Variants in EYS observed in about 807,000 individuals in gnomAD.
EYS encodes the protein protein eyes shut homolog.
EYS carries 250 observed loss-of-function variants against 282.1 expected under a neutral mutation model. The ratio of observed to expected loss-of-function variants is 0.89; its 90% CI spans 0.80 to 0.98. The LOEUF (loss-of-function observed/expected upper bound fraction) is 0.98. EYS is among the 50% of genes least tolerant of loss of function. EYS has a pLI of 0.00. For missense variants in EYS, 4,016 were observed against 3,709.0 expected, an observed-to-expected ratio of 1.08 and a Z score of -2.15; for synonymous variants, 1,355 against 1,282.9, an observed-to-expected ratio of 1.06 and a Z score of -1.20.
intron 35 of EYS, among the ~76,000 whole-genome samples, chr6:63,944,387 G>A (rs942126167): frequency 6.6e-6 from 1 of 152,102 alleles, no homozygotes; most frequent in Non-Finnish European, 1.5e-5. Flanking sequence ...GAAAGTGTAC[G>A]ACATGCTTTA....
chr6:65,597,467 G>A (rs1350594551), intron 2 of EYS, among the ~76,000 whole-genome samples: 2 of 152,042 alleles, frequency 1.3e-5, no homozygotes, highest in African/African-American at 4.8e-5. Flanking sequence ...TGACAGTGCA[G>A]GCTTTTACTA....
At chr6:63,729,520 TTC>T (rs1387412113) in intron 41 of EYS, among the ~76,000 whole-genome samples, 1 of 151,836 alleles carries the variant, frequency 6.6e-6, no homozygotes, top group East Asian at 1.9e-4. Flanking sequence ...TGTGTCTAGA[TTC>T]TTTTTTTTTT....
At chr6:65,110,562 C>T (rs762370983) in intron 12 of EYS, among the ~76,000 whole-genome samples, 9 of 151,848 alleles carry the variant, frequency 5.9e-5, no homozygotes, top group Non-Finnish European at 1.2e-4. Context: ...GCTTTCCAGA[C>T]AGAAATAAGA....
At chr6:63,945,157 G>A (rs574287134) in intron 35 of EYS, among the ~76,000 whole-genome samples, 38 of 152,226 alleles carry the variant, frequency 2.5e-4, no homozygotes, top group African/African-American at 9.1e-4. Flanking sequence ...AAGGAAAGAG[G>A]TTTAATTGAC....
chr6:63,751,826 T>C (rs753331595), intron 41 of EYS, among the ~76,000 whole-genome samples: 1 of 152,202 alleles, frequency 6.6e-6, no homozygotes, highest in Non-Finnish European at 1.5e-5. Flanking sequence ...AGGACTCAGA[T>C]GGATAATGCT....
intron 26 of EYS, among the ~76,000 whole-genome samples, chr6:64,535,575 CA>C (rs10554389): frequency 0.38 from 54,569 of 142,190 alleles, 11,679 homozygotes; most frequent in African/African-American, 0.61. Flanking sequence ...TTGTTTCTAC[CA>C]AAAAAAAAAA....
intron 29 of EYS, among the ~76,000 whole-genome samples, chr6:64,318,057 T>C (rs1039117887): frequency 7.2e-5 from 11 of 151,934 alleles, no homozygotes; most frequent in East Asian, 1.9e-4. Flanking sequence ...AGGAATAGCA[T>C]TGGGAGAAAT....
intron 22 of EYS, among the ~76,000 whole-genome samples, chr6:64,627,838 G>A (rs1363607410): frequency 6.6e-6 from 1 of 152,176 alleles, no homozygotes; most frequent in African/African-American, 2.4e-5. Context: ...CCAGCATTTT[G>A]GGAGACCGAG....
At chr6:64,190,952 T>C (rs1240653877) in intron 31 of EYS, among the ~76,000 whole-genome samples, 2 of 152,236 alleles carry the variant, frequency 1.3e-5, no homozygotes, top group Non-Finnish European at 2.9e-5. Context: ...GGTTTCATTT[T>C]GTATTTCCCT....
chr6:63,756,369 A>T lies in EYS; in HGVS notation c.8071+6092T>A, dbSNP rs550088906. Among the ~76,000 whole-genome samples the T allele has an allele frequency of 5.7e-4, 87 of 152,326 alleles. 1 individual carries two copies. The highest frequency in any genetic ancestry group is 2.0e-3 in the African/African-American group (82 of 41,574). The stretch of plus-strand genomic sequence containing the variant: ...GAATTTTGTCAAAGGCCTTTTCTGC[A>T]TCTTTTGAGATATTCATGTGGTTTT... On this transcript the variant is annotated intron_variant, in intron 41 of 42. Coordinates refer to ENST00000503581, the MANE Select transcript of EYS (RefSeq NM_001142800.2).
chr6:64,462,244 ATTAAT>A (rs1285170561), intron 26 of EYS, among the ~76,000 whole-genome samples: 5 of 152,186 alleles, frequency 3.3e-5, no homozygotes, highest in Non-Finnish European at 5.9e-5. Flanking sequence ...TATTGACTAA[ATTAAT>A]TTAACTTGGA....
chr6:65,329,885 T>C (rs541391501), intron 11 of EYS: 1 of 981,048 alleles, frequency 1.0e-6, no homozygotes, highest in East Asian at 1.1e-4. Context: ...GATTTTCTTA[T>C]GGACTTTTAG....
chr6:65,167,329 T>G (rs1324794167), intron 12 of EYS, among the ~76,000 whole-genome samples: 1 of 151,296 alleles, frequency 6.6e-6, no homozygotes, highest in African/African-American at 2.4e-5. Context: ...ATGAATGGAT[T>G]GTGGATATAG....
At chr6:64,618,877 TGTTGAGTCTCACAAACATA>T (rs1448344090) in intron 23 of EYS, among the ~76,000 whole-genome samples, 2 of 152,196 alleles carry the variant, frequency 1.3e-5, no homozygotes, top group Non-Finnish European at 2.9e-5. Flanking sequence ...AATATGACTT[TGTTGAGTCTCACAAACATA>T]GTTGAGTCTC....
intron 26 of EYS, among the ~76,000 whole-genome samples, chr6:64,587,820 G>A (rs1232800615): frequency 3.3e-5 from 5 of 151,954 alleles, no homozygotes; most frequent in Non-Finnish European, 5.9e-5. Context: ...TTGGAATTGG[G>A]TAAAAGAAAG....
At chr6:65,672,119 A>G (rs1419190307) in intron 1 of EYS, among the ~76,000 whole-genome samples, 1 of 152,120 alleles carries the variant, frequency 6.6e-6, no homozygotes, top group Non-Finnish European at 1.5e-5. Flanking sequence ...AGTATAGCAG[A>G]CAGAAGCTGA....
At chr6:65,233,860 T>C (rs1297028075) in intron 12 of EYS, among the ~76,000 whole-genome samples, 1 of 152,172 alleles carries the variant, frequency 6.6e-6, no homozygotes. Context: ...TGGGTCTGCA[T>C]GTAGCTTGGA....
At chr6:64,882,314 T>C (rs577002617) in intron 19 of EYS, among the ~76,000 whole-genome samples, 1 of 151,844 alleles carries the variant, frequency 6.6e-6, no homozygotes, top group South Asian at 2.1e-4. Context: ...ATTGACATTT[T>C]CTTCTGTTAG....
chr6:65,634,767 A>G (rs1319671905), intron 2 of EYS, among the ~76,000 whole-genome samples: 1 of 152,180 alleles, frequency 6.6e-6, no homozygotes, highest in African/African-American at 2.4e-5. Flanking sequence ...AACCCCATCA[A>G]AATATTTCCT....
Sources: gnomAD v4.1 joint callset for allele counts (sites outside exome capture counted in the v4.1 genomes callset) on GRCh38, gnomAD v4.1.1 for gene constraint, MANE v1.5 for transcripts, NCBI Gene and HGNC (gene_info 2026-07-23, HGNC 2026-07-21) for gene names.